Variants in CAMSAP2 observed in about 807,000 individuals in gnomAD.
CAMSAP2 encodes calmodulin regulated spectrin associated protein family member 2.
Under a neutral mutation model 146.1 loss-of-function variants are expected in CAMSAP2, and 26 were observed. The ratio of observed to expected loss-of-function variants is 0.18; its 90% CI spans 0.13 to 0.25. The LOEUF (loss-of-function observed/expected upper bound fraction) is 0.25, where lower values mean the gene tolerates loss of function less well. Ranked by LOEUF, CAMSAP2 falls within the 10% of genes least tolerant of loss-of-function variation. The pLI, the probability that CAMSAP2 is intolerant of heterozygous loss-of-function variation, is 1.00. For missense variants in CAMSAP2, 1,381 were observed against 1,759.3 expected (o/e 0.78, Z 3.85); for synonymous variants, 499 against 596.6 (o/e 0.84, Z 2.38).
intron 6 of CAMSAP2, among the ~76,000 whole-genome samples, chr1:200,834,331 C>G (rs568346918): frequency 6.6e-6 from 1 of 152,082 alleles, no homozygotes; most frequent in Admixed American, 6.6e-5. Flanking sequence ...CCACTGCATT[C>G]CAGCCTGGGT....
chr1:200,783,529 C>T (rs1458885608), intron 2 of CAMSAP2, among the ~76,000 whole-genome samples: 1 of 152,118 alleles, frequency 6.6e-6, no homozygotes, highest in Non-Finnish European at 1.5e-5. Context: ...GTTGTCCAGG[C>T]TGGAGTGCAG....
At chr1:200,765,274 A>G (rs147154009) in intron 2 of CAMSAP2, among the ~76,000 whole-genome samples, 1 of 152,176 alleles carries the variant, frequency 6.6e-6, no homozygotes, top group East Asian at 1.9e-4. Flanking sequence ...TTGTCACCCA[A>G]GCTGGAGTGC....
intron 3 of CAMSAP2, among the ~76,000 whole-genome samples, chr1:200,810,500 TG>T (rs1666299095): frequency 6.7e-6 from 1 of 148,566 alleles, no homozygotes; most frequent in South Asian, 2.1e-4. Flanking sequence ...TGCTTGAACC[TG>T]GGAGGCGGAG....
chr1:200,809,505 A>G (rs1001435718), intron 3 of CAMSAP2, among the ~76,000 whole-genome samples: 1 of 152,196 alleles, frequency 6.6e-6, no homozygotes, highest in Admixed American at 6.5e-5. Flanking sequence ...TGGGAGGCCA[A>G]GGCAGGTGGG....
rs1401564132 is a variant in CAMSAP2, at chr1:200,853,685, A to G, written c.3823+190A>G. On this transcript the variant is annotated intron_variant, in intron 13 of 16. Transcript: ENST00000358823. The surrounding 1 kb of genome is among the most constrained non-coding windows in gnomAD (Gnocchi z 5.1). ...TTAAATGTATTATGTGTGCATGCATATATTCAGTAGAACAAATGTGAATGC... is the reference window on the plus strand; with the variant it reads ...TTAAATGTATTATGTGTGCATGCATGTATTCAGTAGAACAAATGTGAATGC... 6.6e-6 allele frequency among the ~76,000 whole-genome samples: 1 copy of G among 152,260 alleles called. No homozygotes were observed. Among genetic ancestry groups the G allele is most frequent in the African/African-American group, 2.4e-5 (1 of 41,478 alleles).
intron 2 of CAMSAP2, among the ~76,000 whole-genome samples, chr1:200,806,270 A>G (rs958832478): frequency 1.3e-5 from 2 of 152,244 alleles, no homozygotes; most frequent in Non-Finnish European, 2.9e-5. Flanking sequence ...AGATTTGAGC[A>G]GGTAGCTTTC....
chr1:200,821,178 C>CTTTTTT (rs796304937), intron 4 of CAMSAP2, among the ~76,000 whole-genome samples: 3 of 144,732 alleles, frequency 2.1e-5, no homozygotes. Flanking sequence ...GCTTCTTCTT[C>CTTTTTT]TTCTTTTTTT....
chr1:200,750,893 G>T (rs1445727267), intron 1 of CAMSAP2, among the ~76,000 whole-genome samples: 2 of 130,824 alleles, frequency 1.5e-5, no homozygotes, highest in Non-Finnish European at 3.2e-5. Flanking sequence ...ATGAGCCACC[G>T]CGCCTGCCTT....
intron 14 of CAMSAP2, among the ~76,000 whole-genome samples, chr1:200,855,389 TATA>T (rs1306380544): frequency 6.7e-6 from 1 of 150,272 alleles, no homozygotes; most frequent in Non-Finnish European, 1.5e-5. Flanking sequence ...TACTTTATAC[TATA>T]ATATCATATC....
intron 1 of CAMSAP2, among the ~76,000 whole-genome samples, chr1:200,748,555 A>C (rs1359613990): frequency 1.3e-5 from 2 of 151,720 alleles, no homozygotes; most frequent in Admixed American, 1.3e-4. Flanking sequence ...ATATGACCAG[A>C]AGATTTTTTT....
At chr1:200,768,295 G>A (rs1665013687) in intron 2 of CAMSAP2, among the ~76,000 whole-genome samples, 1 of 152,182 alleles carries the variant, frequency 6.6e-6, no homozygotes, top group Non-Finnish European at 1.5e-5. Flanking sequence ...AGTATAATGG[G>A]ATGTTAAAAG....
chr1:200,847,593 A>T (rs564235255), intron 9 of CAMSAP2, 47 bp from the exon 10 acceptor site: 1 of 1,480,660 alleles, frequency 6.8e-7, no homozygotes, highest in South Asian at 1.2e-5. Flanking sequence ...GCTATAAGTT[A>T]ATTTTTTTAC....
At chr1:200,795,900 G>A (rs1046326182) in intron 2 of CAMSAP2, among the ~76,000 whole-genome samples, 9 of 152,104 alleles carry the variant, frequency 5.9e-5, no homozygotes, top group African/African-American at 1.4e-4. Flanking sequence ...GCTGATAGTC[G>A]CATGCTAGTC....
In CAMSAP2 at chr1:200,847,209, G is replaced by A. The variant is rs1215801129; in HGVS notation, c.1110-1G>A. Reference sequence around the variant, plus strand: ...CATTTTAAATTTATTTTCCATTGCAGTGGGGAAGGAGCTACATTTACACAG... The same window carrying A: ...CATTTTAAATTTATTTTCCATTGCAATGGGGAAGGAGCTACATTTACACAG... On this transcript the variant is annotated splice_acceptor_variant, in intron 8 of 16. Transcript: ENST00000358823. LOFTEE classifies it high-confidence loss of function. The A allele has an allele frequency of 1.2e-6, 2 of 1,600,804 alleles. No individual in the cohort carries two copies. Among genetic ancestry groups the A allele is most frequent in the South Asian group, 1.1e-5 (1 of 89,232 alleles).
chr1:200,857,584 C>A lies in CAMSAP2; in HGVS notation c.4131+160C>A. On this transcript the variant is annotated intron_variant, in intron 16 of 16. Transcript: ENST00000358823. This position sits in a 1 kb window ranked among gnomAD's most constrained non-coding sequence, Gnocchi z 4.7. ...ATTTAGTTTATTTTCACATTAGGTT[C>A]TGGAAGCCTGCAGATTTTATTAAAG... 2.5e-6 allele frequency: 2 copies of A among 790,132 alleles called. No individual in the cohort carries two copies. The highest frequency in any genetic ancestry group is 4.0e-6 in the Non-Finnish European group (2 of 504,328). The allele number at this position is 790,132 out of a possible 1,614,324, so 48.9% of individuals were successfully genotyped here. A position where few individuals can be genotyped will look rare whatever the true frequency, so the allele number is the denominator to read the frequency against.
At chr1:200,820,347 C>A (rs544644106) in intron 4 of CAMSAP2, among the ~76,000 whole-genome samples, 3 of 152,212 alleles carry the variant, frequency 2.0e-5, no homozygotes, top group African/African-American at 7.2e-5. Flanking sequence ...TGAGACACCA[C>A]CCCAGCCAAT....
chr1:200,756,848 T>C (rs1664668931), intron 1 of CAMSAP2, among the ~76,000 whole-genome samples: 1 of 152,212 alleles, frequency 6.6e-6, no homozygotes, highest in Non-Finnish European at 1.5e-5. Context: ...GGCGCTGAGT[T>C]AGGCCCTAGA....
chr1:200,787,832 C>T (rs1197299799), intron 2 of CAMSAP2, among the ~76,000 whole-genome samples: 3 of 152,180 alleles, frequency 2.0e-5, no homozygotes, highest in Admixed American at 6.5e-5. Context: ...AATCACCACT[C>T]TGATCGAACA....
At chr1:200,770,260 A>G (rs1665079257) in intron 2 of CAMSAP2, among the ~76,000 whole-genome samples, 1 of 152,206 alleles carries the variant, frequency 6.6e-6, no homozygotes, top group South Asian at 2.1e-4. Context: ...AAATTGATCT[A>G]TAACTGACTC....
Sources: gnomAD v4.1 joint callset for allele counts (sites outside exome capture counted in the v4.1 genomes callset) on GRCh38, gnomAD v4.1.1 for gene constraint, Gnocchi (gnomAD v3.1) non-coding constraint, MANE v1.5 for transcripts, NCBI Gene and HGNC (gene_info 2026-07-23, HGNC 2026-07-21) for gene names.